The following PTBP3 variants were observed in gnomAD, a reference collection of about 807,000 sequenced individuals.
PTBP3 encodes polypyrimidine tract binding protein 3.
A neutral mutation model predicts 58.7 loss-of-function variants in PTBP3; 20 were observed. That is an observed-to-expected ratio of 0.34 (90% CI 0.24 to 0.50). The LOEUF (loss-of-function observed/expected upper bound fraction) is 0.50, where lower values mean the gene tolerates loss of function less well. PTBP3 is among the 20% of genes least tolerant of loss of function. The probability of loss-of-function intolerance (pLI) is 0.98; values close to 1 mark genes in which losing one functional copy is unlikely to be tolerated. For missense variants in PTBP3, 509 were observed against 637.2 expected (o/e 0.80, Z 2.17); for synonymous variants, 185 against 219.8 (o/e 0.84, Z 1.40).
chr9:112,375,360 A>G, the PTBP3 span, among the ~76,000 whole-genome samples: 6 of 152,188 alleles, frequency 3.9e-5, no homozygotes, highest in South Asian at 4.1e-4. Context: ...CTTCCATGCA[A>G]AGTGCACATC....
the PTBP3 span, among the ~76,000 whole-genome samples, chr9:112,364,157 T>C: frequency 2.0e-5 from 3 of 146,480 alleles, no homozygotes; most frequent in African/African-American, 2.5e-5. Flanking sequence ...TCCATGTCAC[T>C]GTGGCTTGCT....
At chr9:112,336,489 A>G (rs1382414660), upstream of PTBP3, among the ~76,000 whole-genome samples, 1 of 141,562 alleles carries the variant, frequency 7.1e-6, no homozygotes, top group Non-Finnish European at 1.5e-5. Flanking sequence ...ATTTAAAAAA[A>G]AAAAAATTTG....
At chr9:112,228,700 T>TC (rs1474940082) in intron 10 of PTBP3, among the ~76,000 whole-genome samples, 1 of 152,036 alleles carries the variant, frequency 6.6e-6, no homozygotes, top group East Asian at 1.9e-4. Flanking sequence ...AAATGATTCA[T>TC]CCCCCCTTTC....
At chr9:112,290,699 T>TACACACACACACACACAC (rs1221818154) in intron 2 of PTBP3, among the ~76,000 whole-genome samples, 26 of 64,590 alleles carry the variant, frequency 4.0e-4, no homozygotes, top group South Asian at 2.1e-3. Context: ...TATATATATA[T>TACACACACACACACACAC]ATATATATAC....
chr9:112,256,602 T>C (rs1296893231), intron 5 of PTBP3, among the ~76,000 whole-genome samples: 2 of 152,018 alleles, frequency 1.3e-5, no homozygotes, highest in African/African-American at 2.4e-5. Context: ...GCCATCATAG[T>C]TCACTATAAC....
chr9:112,370,350 T>G, the PTBP3 span, among the ~76,000 whole-genome samples: 3 of 152,150 alleles, frequency 2.0e-5, no homozygotes, highest in African/African-American at 4.8e-5. Flanking sequence ...AAGACCAGCC[T>G]GGACAACATG....
chr9:112,251,716 G>A (rs1409608413), intron 6 of PTBP3, among the ~76,000 whole-genome samples: 1 of 152,026 alleles, frequency 6.6e-6, no homozygotes, highest in East Asian at 1.9e-4. Context: ...TTACCTAAGG[G>A]TATTTGTGGC....
Position 112,221,093 on chromosome 9 carries a change from G to A in PTBP3, c.*2758C>T. On this transcript the variant is annotated 3_prime_UTR_variant, in exon 14 of 14. Coordinates refer to ENST00000374257, the MANE Select transcript of PTBP3 (RefSeq NM_001163788.4). ...AGCTTAATATGGACAACATCCATGT[G>A]CTACAGCTAATTTTAGACACAAACT... 2 of 985,280 alleles carry A rather than the reference G, an allele frequency of 2.0e-6. No homozygotes were observed. The highest frequency in any genetic ancestry group is 2.4e-6 in the Non-Finnish European group (2 of 829,730). The allele number at this position is 985,280 out of a possible 1,614,324, so 61.0% of individuals were successfully genotyped here.
chr9:112,238,744 C>T (rs1199494695), intron 7 of PTBP3, among the ~76,000 whole-genome samples: 14 of 152,038 alleles, frequency 9.2e-5, no homozygotes, highest in Non-Finnish European at 8.8e-5. Context: ...ATCAGAATAC[C>T]ACAGAATGGT....
intron 1 of PTBP3, among the ~76,000 whole-genome samples, chr9:112,320,291 A>AAAAATAT (rs1411646280): frequency 7.8e-4 from 57 of 73,518 alleles, no homozygotes; most frequent in Middle Eastern, 8.3e-3. Context: ...AAAAAAAAAA[A>AAAAATAT]ATATATATAT....
chr9:112,337,101 C>G (rs1830582777), upstream of PTBP3, among the ~76,000 whole-genome samples: 1 of 152,252 alleles, frequency 6.6e-6, no homozygotes, highest in African/African-American at 2.4e-5. Context: ...GCGATCTCAG[C>G]TCACTGCAAC....
intron 7 of PTBP3, among the ~76,000 whole-genome samples, chr9:112,240,974 T>C (rs184676911): frequency 3.2e-4 from 48 of 152,352 alleles, no homozygotes; most frequent in East Asian, 3.1e-3. Flanking sequence ...AAATATTTTC[T>C]ACACAATGTG....
At chr9:112,227,787 T>A (rs1189076268) in intron 11 of PTBP3, among the ~76,000 whole-genome samples, 160 bp from the exon 12 acceptor site, 20 of 152,122 alleles carry the variant, frequency 1.3e-4, no homozygotes, top group Admixed American at 1.2e-3. Flanking sequence ...CTCAAGGAAA[T>A]ATATTAAATG....
the PTBP3 span, among the ~76,000 whole-genome samples, chr9:112,378,952 C>A: frequency 6.6e-6 from 1 of 152,122 alleles, no homozygotes; most frequent in Non-Finnish European, 1.5e-5. Context: ...TTTGGAAGGC[C>A]GAGGCGGGCC....
chr9:112,367,645 C>A, the PTBP3 span, among the ~76,000 whole-genome samples: 4 of 152,146 alleles, frequency 2.6e-5, no homozygotes, highest in Non-Finnish European at 5.9e-5. Context: ...AAGGTTTCTA[C>A]TGAGAAATGC....
Position 112,222,845 on chromosome 9 carries a change from T to C in PTBP3, c.*1006A>G. 1.1e-6 allele frequency: 1 copy of C among 891,788 alleles called. No individual in the cohort carries two copies. The highest frequency in any genetic ancestry group is 1.3e-6 in the Non-Finnish European group (1 of 744,550). 55.2% of individuals were successfully genotyped at this position (891,788 alleles called of 1,614,324 possible). A position where few individuals can be genotyped will look rare whatever the true frequency, so the allele number is the denominator to read the frequency against. ...ATACACAGTAATTCTGAGTAAGTAT[T>C]AGAGATTATAGTGGTACAAAAAACC... On this transcript the variant is annotated 3_prime_UTR_variant, in exon 14 of 14. Transcript: ENST00000374257.
chr9:112,237,751 C>CA (rs1835491006), intron 7 of PTBP3, among the ~76,000 whole-genome samples: 1 of 152,144 alleles, frequency 6.6e-6, no homozygotes, highest in South Asian at 2.1e-4. Flanking sequence ...AGGATACTCT[C>CA]ACTGCATTAA....
chr9:112,253,843 C>T (rs906262471), intron 5 of PTBP3, among the ~76,000 whole-genome samples: 17 of 152,282 alleles, frequency 1.1e-4, no homozygotes, highest in African/African-American at 3.8e-4. Context: ...GAAGCCTCCC[C>T]AGCCATGCAG....
chr9:112,360,157 C>T, the PTBP3 span, among the ~76,000 whole-genome samples: 1 of 152,166 alleles, frequency 6.6e-6, no homozygotes, highest in Non-Finnish European at 1.5e-5. Context: ...GGTACATTAT[C>T]AGAAGCAACT....
Sources: allele counts gnomAD v4.1 joint callset (sites outside exome capture counted in the v4.1 genomes callset), GRCh38; gene constraint gnomAD v4.1.1; transcripts MANE v1.5; gene names NCBI Gene and HGNC (gene_info 2026-07-23, HGNC 2026-07-21).